PCDH15: variants seen among roughly 807,000 people sequenced by gnomAD.
The protein encoded by PCDH15 is protocadherin related 15.
A neutral mutation model predicts 178.5 loss-of-function variants in PCDH15; 129 were observed. That is an observed-to-expected ratio of 0.72 (90% confidence interval 0.63 to 0.84). The LOEUF (loss-of-function observed/expected upper bound fraction) is 0.84, where lower values mean the gene tolerates loss of function less well. PCDH15 is among the 40% of genes least tolerant of loss of function. The pLI is 0.00. For missense variants in PCDH15, 2,230 were observed against 2,099.9 expected (o/e 1.06, Z -1.21); for synonymous variants, 800 against 732.0 (o/e 1.09, Z -1.50).
At chr10:55,257,557 C>A (rs971930291) in intron 1 of PCDH15, among the ~76,000 whole-genome samples, 3 of 152,042 alleles carry the variant, frequency 2.0e-5, no homozygotes, top group African/African-American at 7.2e-5. Context: ...AACTACGGCA[C>A]GAGAACTACC....
chr10:54,029,893 T>A (rs1222235414), intron 18 of PCDH15, among the ~76,000 whole-genome samples: 1 of 152,106 alleles, frequency 6.6e-6, no homozygotes, highest in Non-Finnish European at 1.5e-5. Flanking sequence ...CCTTAAAGCA[T>A]GCCTGTATGG....
intron 1 of PCDH15, among the ~76,000 whole-genome samples, chr10:55,314,694 A>G (rs1843679472): frequency 6.6e-6 from 1 of 152,162 alleles, no homozygotes; most frequent in African/African-American, 2.4e-5. Context: ...AAGGCATCAA[A>G]TGTAGTAGAA....
chr10:54,260,754 A>C (rs115677986), intron 8 of PCDH15, among the ~76,000 whole-genome samples: 2,225 of 152,136 alleles, frequency 0.015, 57 homozygotes, highest in African/African-American at 0.048. Flanking sequence ...TAGTAGTAGT[A>C]CTACGACTAC....
chr10:55,024,122 A>AATATAT (rs373895204), intron 2 of PCDH15, among the ~76,000 whole-genome samples: 1 of 141,296 alleles, frequency 7.1e-6, no homozygotes, highest in Non-Finnish European at 1.5e-5. Flanking sequence ...TATAGGAAGG[A>AATATAT]ATATATATAT....
chr10:55,552,838 T>C (rs2132089703), intron 2 of PCDH15, among the ~76,000 whole-genome samples: 1 of 151,690 alleles, frequency 6.6e-6, no homozygotes, highest in Admixed American at 6.6e-5. Context: ...GCCCCATAAA[T>C]GTGATTTTGT....
At chr10:54,900,422 G>C (rs1954620175) in intron 2 of PCDH15, among the ~76,000 whole-genome samples, 1 of 152,128 alleles carries the variant, frequency 6.6e-6, no homozygotes, top group Non-Finnish European at 1.5e-5. Context: ...AATAATCCTT[G>C]TTGATTTTAT....
At position 55,592,594 on chromosome 10, in the gene PCDH15, T is replaced by C. The variant is rs547985581; in HGVS notation, c.-156+35031A>G. On this transcript the variant is annotated intron_variant, in intron 2 of 5. Coordinates refer to the PCDH15 transcript ENST00000613346. ...GTGGCTTCCCTGTGGGGTGCCCAAA[T>C]CTTTATTCCATGTTTCTCAAGTTAC... Among the ~76,000 whole-genome samples the C allele has an allele frequency of 2.6e-5, 4 of 152,250 alleles. No individual in the cohort carries two copies. In the East Asian group the frequency reaches 5.8e-4, roughly 22 times the overall value.
chr10:54,144,675 T>G (rs1238071971), intron 14 of PCDH15, among the ~76,000 whole-genome samples: 1 of 152,154 alleles, frequency 6.6e-6, no homozygotes, highest in Non-Finnish European at 1.5e-5. Context: ...TGTCAGTGAT[T>G]GGCTTTCTGC....
At chr10:54,831,594 A>T (rs1953228413) in intron 3 of PCDH15, among the ~76,000 whole-genome samples, 1 of 152,200 alleles carries the variant, frequency 6.6e-6, no homozygotes, top group Non-Finnish European at 1.5e-5. Flanking sequence ...TACAATGACT[A>T]GTTAAGAAAC....
intron 2 of PCDH15, among the ~76,000 whole-genome samples, chr10:55,069,963 T>C (rs974690757): frequency 2.6e-5 from 4 of 152,076 alleles, no homozygotes; most frequent in African/African-American, 4.8e-5. Context: ...TTTTAATGAT[T>C]GCCATTCTAA....
chr10:55,421,689 A>T (rs907884272), intron 2 of PCDH15, among the ~76,000 whole-genome samples: 1 of 151,518 alleles, frequency 6.6e-6, no homozygotes, highest in East Asian at 1.9e-4. Flanking sequence ...TCATTCTAAG[A>T]AGTTTAAAAA....
chr10:54,025,517 G>A (rs918567349), intron 18 of PCDH15, among the ~76,000 whole-genome samples: 1 of 99,068 alleles, frequency 1.0e-5, no homozygotes, highest in African/African-American at 3.6e-5. Context: ...TTTTTTTTTT[G>A]AGACCAAGCC....
intron 16 of PCDH15, among the ~76,000 whole-genome samples, chr10:54,083,099 C>A (rs2094460643): frequency 6.6e-6 from 1 of 152,014 alleles, no homozygotes; most frequent in South Asian, 2.1e-4. Context: ...AAAAAAGAAA[C>A]AACCACCATT....
intron 2 of PCDH15, among the ~76,000 whole-genome samples, chr10:55,468,745 A>T (rs539353759): frequency 6.6e-6 from 1 of 152,306 alleles, no homozygotes; most frequent in Non-Finnish European, 1.5e-5. Context: ...TATAGGTGGT[A>T]TTCAAGCCAA....
At chr10:53,973,453 TA>T (rs991784233) in intron 21 of PCDH15, among the ~76,000 whole-genome samples, 13 of 152,014 alleles carry the variant, frequency 8.6e-5, no homozygotes, top group Non-Finnish European at 1.3e-4. Flanking sequence ...AAAAATAAAT[TA>T]AAAAAACAAA....
At position 55,312,908 on chromosome 10, in the gene PCDH15, C is replaced by T. The variant is rs184578104; in HGVS notation, c.-156+6691G>A. Among the ~76,000 whole-genome samples the T allele has an allele frequency of 2.6e-3, 402 of 152,272 alleles. 3 individuals carry two copies. The highest frequency in any genetic ancestry group is 0.017 in the Admixed American group (257 of 15,288). On this transcript the variant is annotated intron_variant, in intron 1 of 5. Coordinates refer to the PCDH15 transcript ENST00000458638. ...CTGAGATTACAGGCGTAAGCCACTG[C>T]GCCCTGCCAGGAATAGAGATATTTA...
intron 1 of PCDH15, among the ~76,000 whole-genome samples, chr10:54,756,330 C>T (rs7901028): frequency 0.5 from 76,027 of 151,784 alleles, 19,586 homozygotes; most frequent in Middle Eastern, 0.68. Flanking sequence ...TTATTACTGA[C>T]GTGTCCCTAT....
At chr10:54,026,105 G>A (rs987644568) in intron 18 of PCDH15, among the ~76,000 whole-genome samples, 2 of 146,096 alleles carry the variant, frequency 1.4e-5, no homozygotes, top group African/African-American at 5.1e-5. Flanking sequence ...GTCTTGCTCT[G>A]TCACCCATGC....
At chr10:54,460,853 G>A (rs1386834123) in intron 3 of PCDH15, among the ~76,000 whole-genome samples, 1 of 152,024 alleles carries the variant, frequency 6.6e-6, no homozygotes, top group Non-Finnish European at 1.5e-5. Flanking sequence ...ACGTGGGAGA[G>A]TGTTAAATAG....
Sources: allele counts gnomAD v4.1 joint callset (sites outside exome capture counted in the v4.1 genomes callset), GRCh38; gene constraint gnomAD v4.1.1; transcripts MANE v1.5; gene names NCBI Gene and HGNC (gene_info 2026-07-23, HGNC 2026-07-21).